Variants in NHS observed in about 807,000 individuals in gnomAD.
NHS encodes NHS actin remodeling regulator, also known as actin remodeling regulator NHS.
In NHS, 5 loss-of-function variants were observed where a neutral mutation model predicts 72.5. That is an observed-to-expected ratio of 0.07 (90% CI 0.04 to 0.14). The LOEUF (loss-of-function observed/expected upper bound fraction) is 0.14. Ranked by LOEUF, NHS falls within the 10% of genes least tolerant of loss-of-function variation. The probability of loss-of-function intolerance (pLI) is 1.00; values close to 1 mark genes in which losing one functional copy is unlikely to be tolerated. For missense variants in NHS, 1,072 were observed against 1,355.7 expected (o/e 0.79, Z 3.29); for synonymous variants, 464 against 547.7 (o/e 0.85, Z 2.13).
chrX:17,460,143 C>T (rs1476599622), intron 1 of NHS, among the ~76,000 whole-genome samples: 1 of 111,687 alleles, frequency 9.0e-6, no homozygotes, highest in Non-Finnish European at 1.9e-5. Flanking sequence ...TTCCCAAGTA[C>T]AATGTTTATT....
Position 17,734,057 on chromosome X carries a change from A to G in NHS, c.*1593A>G, listed in dbSNP as rs2066505941. 8.9e-6 allele frequency: 1 copy of G among 112,580 alleles called. No individual in the cohort carries two copies. The allele number at this position is 112,580 out of a possible 1,213,427, so 9.3% of individuals were successfully genotyped here. A position where few individuals can be genotyped will look rare whatever the true frequency, so the allele number is the denominator to read the frequency against. On this transcript the variant is annotated 3_prime_UTR_variant, in exon 9 of 9. Transcript: ENST00000676302. ...CAGAAATATAAGCAGCTATGTACTTAGAATAGGTTTTGAATGGGAGAGGTA... is the reference window on the plus strand; with the variant it reads ...CAGAAATATAAGCAGCTATGTACTTGGAATAGGTTTTGAATGGGAGAGGTA...
At chrX:17,425,550 AAAAAAAAAAAAAAAAAAAAAAGAAAG>A (rs2064651447) in intron 1 of NHS, among the ~76,000 whole-genome samples, 1 of 60,422 alleles carries the variant, frequency 1.7e-5, no homozygotes, top group East Asian at 6.2e-4. Flanking sequence ...AAAAAAAAAA[AAAAAAAAAAAAAAAAAAAAAAGAAAG>A]AAAGAAAGAA....
chrX:17,512,809 A>G (rs1228674117), intron 1 of NHS, among the ~76,000 whole-genome samples: 1 of 112,189 alleles, frequency 8.9e-6, no homozygotes, highest in African/African-American at 3.2e-5. Context: ...AAAATTACCT[A>G]TCAATGACAG....
chrX:17,501,156 G>A (rs1193870427), intron 1 of NHS, among the ~76,000 whole-genome samples: 1 of 110,039 alleles, frequency 9.1e-6, no homozygotes, highest in African/African-American at 3.3e-5. Context: ...GATTCCCTGA[G>A]CCCAGGAGTT....
chrX:17,678,545 A>G (rs2066101252), intron 1 of NHS, among the ~76,000 whole-genome samples: 1 of 110,922 alleles, frequency 9.0e-6, no homozygotes, highest in Non-Finnish European at 1.9e-5. Context: ...GAGAGGTGCC[A>G]CACACTTTTA....
At chrX:17,572,576 C>A (rs36102248) in intron 1 of NHS, among the ~76,000 whole-genome samples, 7,848 of 95,243 alleles carry the variant, frequency 0.082, 878 homozygotes, top group African/African-American at 0.29. Context: ...TGTGTCTTTG[C>A]ATGTGAGATG....
chrX:17,433,646 C>A (rs181134635), intron 1 of NHS, among the ~76,000 whole-genome samples: 3 of 111,455 alleles, frequency 2.7e-5, no homozygotes, highest in Non-Finnish European at 5.7e-5. Flanking sequence ...GATCCCTGCA[C>A]TTGGTTTAGG....
chrX:17,585,852 GA>G (rs896543170), intron 1 of NHS: 7 of 108,068 alleles, frequency 6.5e-5, no homozygotes, highest in African/African-American at 2.4e-4. Flanking sequence ...TTTATGAAGT[GA>G]AAAAAAGAAC....
chrX:17,622,381 G>C (rs1444807429), intron 1 of NHS, among the ~76,000 whole-genome samples: 3 of 112,618 alleles, frequency 2.7e-5, no homozygotes, highest in Non-Finnish European at 5.6e-5. Flanking sequence ...TGTGAGCCCT[G>C]GTATTTGGGC....
chrX:17,519,484 G>C (rs1419735334), intron 1 of NHS, among the ~76,000 whole-genome samples: 3 of 112,106 alleles, frequency 2.7e-5, no homozygotes, highest in Non-Finnish European at 5.6e-5. Flanking sequence ...AAGCTGTTGA[G>C]AAGTAAGGGG....
intron 1 of NHS, chrX:17,635,660 C>G (rs190130744): frequency 7.5e-6 from 8 of 1,065,465 alleles, no homozygotes; most frequent in Non-Finnish European, 1.0e-5. Flanking sequence ...CTGGGTCTAA[C>G]GAAGAGGGGC....
At chrX:17,413,161 G>T (rs1361464617) in intron 1 of NHS, among the ~76,000 whole-genome samples, 1 of 112,202 alleles carries the variant, frequency 8.9e-6, no homozygotes, top group East Asian at 2.8e-4. Flanking sequence ...AAGAATGAAG[G>T]TTTACATGCC....
chrX:17,382,404 A>G (rs745407860), intron 1 of NHS, among the ~76,000 whole-genome samples: 12 of 111,904 alleles, frequency 1.1e-4, no homozygotes, highest in African/African-American at 3.2e-4. Context: ...TTATTTTTGT[A>G]TAGTCCAGTT....
intron 1 of NHS, among the ~76,000 whole-genome samples, chrX:17,500,457 T>C (rs145638111): frequency 0.015 from 1,668 of 111,808 alleles, 34 homozygotes; most frequent in African/African-American, 0.052. Flanking sequence ...GTTTGTCTTC[T>C]GAAGGTTGTG....
At chrX:17,605,903 G>GT (rs1897164987) in intron 1 of NHS, among the ~76,000 whole-genome samples, 1 of 111,985 alleles carries the variant, frequency 8.9e-6, no homozygotes, top group South Asian at 3.8e-4. Flanking sequence ...TGTCAGCTGT[G>GT]TTACCAGGCA....
intron 1 of NHS, among the ~76,000 whole-genome samples, chrX:17,626,994 G>C (rs1366095178): frequency 3.6e-5 from 4 of 112,203 alleles, no homozygotes; most frequent in Non-Finnish European, 7.5e-5. Context: ...ATTGCTGCAA[G>C]TTTTGTGGCT....
chrX:17,628,491 A>C (rs2065809217), intron 1 of NHS, among the ~76,000 whole-genome samples: 1 of 112,913 alleles, frequency 8.9e-6, no homozygotes, highest in African/African-American at 3.2e-5. Context: ...ATGGACTCAC[A>C]CACAAACACA....
chrX:17,414,519 C>T (rs1057076395), intron 1 of NHS, among the ~76,000 whole-genome samples: 1 of 111,988 alleles, frequency 8.9e-6, no homozygotes, highest in African/African-American at 3.2e-5. Context: ...CCCGTCTCCG[C>T]GCCAGTGAAA....
chrX:17,563,426 G>A (rs754149261), intron 1 of NHS, among the ~76,000 whole-genome samples: 1 of 112,703 alleles, frequency 8.9e-6, no homozygotes, highest in East Asian at 2.8e-4. Context: ...TAATGTGGAG[G>A]CCAACGGCCC....
Sources: allele counts gnomAD v4.1 joint callset (sites outside exome capture counted in the v4.1 genomes callset), GRCh38; gene constraint gnomAD v4.1.1; transcripts MANE v1.5; gene names NCBI Gene and HGNC (gene_info 2026-07-23, HGNC 2026-07-21).